CUX2: variants seen among roughly 807,000 people sequenced by gnomAD.
CUX2 encodes the protein homeobox protein cut-like 2.
CUX2 carries 40 observed loss-of-function variants against 144.8 expected under a neutral mutation model. The ratio of observed to expected loss-of-function variants is 0.28; its 90% CI spans 0.21 to 0.36. The LOEUF (loss-of-function observed/expected upper bound fraction) is 0.36. Among genes scored for constraint, CUX2 ranks in the 10% least tolerant of loss-of-function variants. The pLI, the probability that CUX2 is intolerant of heterozygous loss-of-function variation, is 1.00. For synonymous variants in CUX2, 827 were observed against 875.6 expected (o/e 0.94, Z 0.98); for missense variants, 1,615 against 1,994.0 (o/e 0.81, Z 3.62).
intron 1 of CUX2, among the ~76,000 whole-genome samples, chr12:111,065,202 CTCTA>C (rs1870967597): frequency 6.6e-6 from 1 of 152,224 alleles, no homozygotes; most frequent in African/African-American, 2.4e-5. Flanking sequence ...AGACTACAGT[CTCTA>C]ACACAATGAC....
rs1211274893 is a variant in CUX2, at chr12:111,186,044, A to T, written c.64-28156A>T. On this transcript the variant is annotated intron_variant, in intron 1 of 21. Transcript: ENST00000261726. The surrounding 1 kb of genome is among the most constrained non-coding windows in gnomAD (Gnocchi z 4.4). The stretch of plus-strand genomic sequence containing the variant: ...TTCTGGTCCTCTCTCTTTCACTCTC[A>T]CTCTCTCCCTCCCTCCCTTCCTCCT... Among the ~76,000 whole-genome samples the T allele has an allele frequency of 1.5e-5, 2 of 134,208 alleles. No homozygotes were observed. Among genetic ancestry groups the T allele is most frequent in the African/African-American group, 2.8e-5 (1 of 35,278 alleles). 88.0% of individuals were successfully genotyped at this position (134,208 alleles called of 152,430 possible). A position where few individuals can be genotyped will look rare whatever the true frequency, so the allele number is the denominator to read the frequency against.
rs541381952 is a variant in CUX2, at chr12:111,338,371, G to A, written c.3282G>A (p.Lys1094=). ...DLLSRPKPWH[K]LSLKGREPFV... ...TGTCCCGGCCCAAACCCTGGCACAA[G>A]CTGAGCCTGAAGGGGCGGGAGCCTT... Residue 1094 remains lysine, a synonymous_variant, in exon 20 of 22, where the codon AAG becomes AAA. Transcript: ENST00000261726. 9.7e-5 allele frequency: 157 copies of A among 1,614,190 alleles called. 1 individual carries two copies. In the South Asian group the frequency reaches 1.7e-3, roughly 17 times the overall value.
chr12:111,046,000 G>T (rs1193473380), intron 1 of CUX2, among the ~76,000 whole-genome samples: 1 of 152,212 alleles, frequency 6.6e-6, no homozygotes, highest in Non-Finnish European at 1.5e-5. Context: ...TCTGGGTGGA[G>T]CCTAGAGATT....
intron 1 of CUX2, among the ~76,000 whole-genome samples, chr12:111,180,669 G>T (rs1879109204): frequency 6.6e-6 from 1 of 152,166 alleles, no homozygotes; most frequent in South Asian, 2.1e-4. Context: ...TGGGACTGAG[G>T]CCTCCAGTCC....
At chr12:111,276,416 C>T (rs912120671) in intron 4 of CUX2, among the ~76,000 whole-genome samples, 2 of 152,138 alleles carry the variant, frequency 1.3e-5, no homozygotes, top group Admixed American at 6.5e-5. Flanking sequence ...AATCATCTTT[C>T]GGAGGCATAT....
chr12:111,308,410 T>C lies in CUX2; in HGVS notation c.1159-17T>C, dbSNP rs1222340972. ...CCGCCCACCAGGTGCCCTCTCAACC[T>C]GCCTCTTGTCTCCTAGGGCATGGCC... On this transcript the variant is annotated splice_polypyrimidine_tract_variant and intron_variant, in intron 13 of 21. Transcript: ENST00000261726. 6.2e-7 allele frequency: 1 copy of C among 1,614,040 alleles called. No individual in the cohort carries two copies. Among genetic ancestry groups the C allele is most frequent in the East Asian group, 2.2e-5 (1 of 44,878 alleles).
Position 111,295,265 on chromosome 12 carries a change from C to A in CUX2, c.561-68C>A. 1 of 1,468,244 alleles carries A rather than the reference C, an allele frequency of 6.8e-7. No homozygotes were observed. Among genetic ancestry groups the A allele is most frequent in the Non-Finnish European group, 9.4e-7 (1 of 1,069,496 alleles). The allele number at this position is 1,468,244 out of a possible 1,614,324, so 91.0% of individuals were successfully genotyped here. On this transcript the variant is annotated intron_variant, in intron 6 of 21. Coordinates refer to ENST00000261726, the MANE Select transcript of CUX2 (RefSeq NM_015267.4). The surrounding 1 kb of genome is among the most constrained non-coding windows in gnomAD (Gnocchi z 5.0). ...GCAAGGGGTAGGAAGCAAGATGGGG[C>A]TCGACTCGGGGGCCCCAGGCAAGGC...
chr12:111,324,244 G>A (rs1396156252), intron 18 of CUX2, among the ~76,000 whole-genome samples: 1 of 151,562 alleles, frequency 6.6e-6, no homozygotes, highest in African/African-American at 2.4e-5. Context: ...TAGCTGCTTA[G>A]GAGACTGAAG....
chr12:111,263,979 G>A lies in CUX2; in HGVS notation c.301+140G>A, dbSNP rs1884259775. 2 of 737,546 alleles carry A rather than the reference G, an allele frequency of 2.7e-6. No homozygotes were observed. The highest frequency in any genetic ancestry group is 4.7e-6 in the Non-Finnish European group (2 of 429,710). The allele number at this position is 737,546 out of a possible 1,614,324, so 45.7% of individuals were successfully genotyped here. A position where few individuals can be genotyped will look rare whatever the true frequency, so the allele number is the denominator to read the frequency against. ...GGCCAGGCACTCTGTATAGGGCAGG[G>A]GGAGCTGTGGCCAGTCTGGTGTGAC... On this transcript the variant is annotated intron_variant, in intron 4 of 21. Coordinates refer to ENST00000261726, the MANE Select transcript of CUX2 (RefSeq NM_015267.4). This position sits in a 1 kb window ranked among gnomAD's most constrained non-coding sequence, Gnocchi z 4.0.
At chr12:111,346,453 G>A (rs1888808949) in intron 21 of CUX2, among the ~76,000 whole-genome samples, 1 of 149,708 alleles carries the variant, frequency 6.7e-6, no homozygotes. Context: ...TCCAGCCTGG[G>A]CAACAGAGCG....
Position 111,263,902 on chromosome 12 carries a change from G to T in CUX2, c.301+63G>T. ...GACAATAAATAGCCATTAGGACTGTGACACAGGGACTTTGAGGTGGGATGT... is the reference window on the plus strand; with the variant it reads ...GACAATAAATAGCCATTAGGACTGTTACACAGGGACTTTGAGGTGGGATGT... On this transcript the variant is annotated intron_variant, in intron 4 of 21. Coordinates refer to ENST00000261726, the MANE Select transcript of CUX2 (RefSeq NM_015267.4). This position sits in a 1 kb window ranked among gnomAD's most constrained non-coding sequence, Gnocchi z 4.0. 1 of 1,465,456 alleles carries T rather than the reference G, an allele frequency of 6.8e-7. No individual in the cohort carries two copies. The highest frequency in any genetic ancestry group is 1.1e-5 in the South Asian group (1 of 87,930). 90.8% of individuals were successfully genotyped at this position (1,465,456 alleles called of 1,614,324 possible). A position where few individuals can be genotyped will look rare whatever the true frequency, so the allele number is the denominator to read the frequency against.
intron 1 of CUX2, among the ~76,000 whole-genome samples, chr12:111,144,589 A>G (rs148634483): frequency 1.3e-5 from 2 of 152,104 alleles, no homozygotes; most frequent in Non-Finnish European, 2.9e-5. Flanking sequence ...GGACATGCAT[A>G]TTTCCTCTCC....
In CUX2 at chr12:111,348,034, C is replaced by T. The variant is rs1298206099; in HGVS notation, c.4170C>T (p.Ser1390=). 6.2e-7 allele frequency: 1 copy of T among 1,613,990 alleles called. No individual in the cohort carries two copies. Among genetic ancestry groups the T allele is most frequent in the Non-Finnish European group, 8.5e-7 (1 of 1,180,034 alleles). Residue 1390 remains serine, a synonymous_variant, in exon 22 of 22, where the codon AGC becomes AGT. Coordinates refer to ENST00000261726, the MANE Select transcript of CUX2 (RefSeq NM_015267.4). ...FKSASESSRC[S]LEVSLNSPSA... is the part of the protein sequence containing the mutation. ...CAGCCTCAGAGTCCTCACGCTGCAG[C>T]CTGGAGGTGTCACTGAACTCGCCCT...
In CUX2 at chr12:111,286,387, G is replaced by A. The variant is rs554395383; in HGVS notation, c.302-5031G>A. Among the ~76,000 whole-genome samples, 11 of 152,230 alleles carry A rather than the reference G, an allele frequency of 7.2e-5. No individual in the cohort carries two copies. The East Asian group carries it at 7.7e-4, about 11-fold the overall frequency. On this transcript the variant is annotated intron_variant, in intron 4 of 21. Coordinates refer to ENST00000261726, the MANE Select transcript of CUX2 (RefSeq NM_015267.4). ...CCAGTTGCAGTAAGAGCTGACACCC[G>A]ATCCCTAAATCACTACTGCCTCTCT...
At position 111,295,270 on chromosome 12, in the gene CUX2, C is replaced by A; in HGVS notation, c.561-63C>A. On this transcript the variant is annotated intron_variant, in intron 6 of 21. Transcript: ENST00000261726. This position sits in a 1 kb window ranked among gnomAD's most constrained non-coding sequence, Gnocchi z 5.0. ...GGGTAGGAAGCAAGATGGGGCTCGACTCGGGGGCCCCAGGCAAGGCCTGTC... is the reference window on the plus strand; with the variant it reads ...GGGTAGGAAGCAAGATGGGGCTCGAATCGGGGGCCCCAGGCAAGGCCTGTC... The A allele has an allele frequency of 6.6e-7, 1 of 1,526,316 alleles. No individual in the cohort carries two copies. Among genetic ancestry groups the A allele is most frequent in the Non-Finnish European group, 8.9e-7 (1 of 1,117,676 alleles). 94.5% of individuals were successfully genotyped at this position (1,526,316 alleles called of 1,614,324 possible).
intron 5 of CUX2, among the ~76,000 whole-genome samples, chr12:111,292,463 A>G (rs1167088828): frequency 6.6e-6 from 1 of 152,072 alleles, no homozygotes; most frequent in Non-Finnish European, 1.5e-5. Flanking sequence ...GGTGGCTCAC[A>G]CCTGTAATCC....
intron 1 of CUX2, among the ~76,000 whole-genome samples, chr12:111,041,900 C>T (rs11834437): frequency 0.075 from 11,485 of 152,204 alleles, 1,427 homozygotes; most frequent in African/African-American, 0.26. Flanking sequence ...TGAAGATACC[C>T]GGTTAGTAGG....
intron 1 of CUX2, among the ~76,000 whole-genome samples, chr12:111,133,447 A>AG (rs1403270497): frequency 1.3e-5 from 2 of 152,224 alleles, no homozygotes; most frequent in Admixed American, 1.3e-4. Flanking sequence ...CAGTAGCAAG[A>AG]GAAAAAAAAT....
intron 1 of CUX2, among the ~76,000 whole-genome samples, chr12:111,128,117 A>G (rs1030517263): frequency 6.6e-6 from 1 of 152,146 alleles, no homozygotes; most frequent in Non-Finnish European, 1.5e-5. Context: ...TCTTGTCACC[A>G]ATTTTCCAAT....
Sources: gnomAD v4.1 joint callset for allele counts (sites outside exome capture counted in the v4.1 genomes callset) on GRCh38, gnomAD v4.1.1 for gene constraint, Gnocchi (gnomAD v3.1) non-coding constraint, MANE v1.5 for transcripts, NCBI Gene and HGNC (gene_info 2026-07-23, HGNC 2026-07-21) for gene names.